The following DYM variants were observed in gnomAD, a reference collection of about 807,000 sequenced individuals.
DYM encodes dymeclin.
In DYM, 78 loss-of-function variants were observed where a neutral mutation model predicts 93.1. That is an observed-to-expected ratio of 0.84 (90% CI 0.70 to 1.01). The LOEUF (loss-of-function observed/expected upper bound fraction) is 1.01, where lower values mean the gene tolerates loss of function less well. Among genes scored for constraint, DYM ranks in the 50% least tolerant of loss-of-function variants. DYM has a pLI of 0.00. For synonymous variants in DYM, 321 were observed against 319.7 expected (o/e 1.00, Z -0.04); for missense variants, 789 against 845.0 (o/e 0.93, Z 0.82).
At chr18:49,422,401 A>AG (rs199619033) in intron 2 of DYM, among the ~76,000 whole-genome samples, 3,622 of 152,298 alleles carry the variant, frequency 0.024, 135 homozygotes, top group African/African-American at 0.081. Flanking sequence ...TATCCAGACA[A>AG]ACTAAGCTTC....
At chr18:49,071,762 T>A (rs537744124) in intron 17 of DYM, among the ~76,000 whole-genome samples, 1 of 152,288 alleles carries the variant, frequency 6.6e-6, no homozygotes, top group African/African-American at 2.4e-5. Flanking sequence ...CTTAATATCA[T>A]CAAGTGTATA....
At chr18:49,338,881 G>C (rs1599531758) in intron 6 of DYM, among the ~76,000 whole-genome samples, 1 of 151,934 alleles carries the variant, frequency 6.6e-6, no homozygotes, top group East Asian at 1.9e-4. Context: ...AAACCACAAA[G>C]GCAAAAATTA....
chr18:49,449,439 G>T (rs1050240455), intron 1 of DYM, among the ~76,000 whole-genome samples: 11 of 152,134 alleles, frequency 7.2e-5, no homozygotes, highest in African/African-American at 2.7e-4. Flanking sequence ...ACCCTAACTG[G>T]AATCCCCAGA....
chr18:49,199,740 C>T (rs1272475309), intron 14 of DYM, among the ~76,000 whole-genome samples: 2 of 152,150 alleles, frequency 1.3e-5, no homozygotes, highest in Non-Finnish European at 2.9e-5. Flanking sequence ...TATGACAAGA[C>T]CATTCCAGCA....
In DYM at chr18:49,389,300, A is replaced by ATG. The variant is rs368243116; in HGVS notation, c.193+2291_193+2292dup. 5.5e-3 allele frequency among the ~76,000 whole-genome samples: 832 copies of ATG among 151,916 alleles called. 7 individuals carry two copies. Among genetic ancestry groups the ATG allele is most frequent in the African/African-American group, 0.018 (765 of 41,472 alleles). On this transcript the variant is annotated intron_variant, in intron 3 of 17. Transcript: ENST00000675505. ...TGTCAAGTGAAAAACACAGATTAAA[A>ATG]TGTGTGTGTGTGTCTGTGTGTGTGT...
At chr18:49,259,515 T>C (rs908158993) in intron 11 of DYM, among the ~76,000 whole-genome samples, 1 of 152,180 alleles carries the variant, frequency 6.6e-6, no homozygotes, top group Non-Finnish European at 1.5e-5. Flanking sequence ...GCTATAGATT[T>C]GTGAGTCTTA....
At chr18:49,310,775 G>A (rs1377868861) in intron 8 of DYM, among the ~76,000 whole-genome samples, 1 of 152,016 alleles carries the variant, frequency 6.6e-6, no homozygotes, top group Non-Finnish European at 1.5e-5. Context: ...ATGCTTAAGA[G>A]GATTACAGTT....
intron 9 of DYM, among the ~76,000 whole-genome samples, chr18:49,284,432 T>A (rs1256609651): frequency 6.6e-6 from 1 of 152,154 alleles, no homozygotes; most frequent in African/African-American, 2.4e-5. Context: ...ACCATGACCA[T>A]CCCAAGCAAA....
At chr18:49,351,765 T>A (rs1348106126) in intron 6 of DYM, among the ~76,000 whole-genome samples, 1 of 152,062 alleles carries the variant, frequency 6.6e-6, no homozygotes, top group African/African-American at 2.4e-5. Context: ...GACAAATACA[T>A]ACAAATATAG....
At chr18:49,107,268 A>T (rs1157224739) in intron 16 of DYM, among the ~76,000 whole-genome samples, 1 of 152,128 alleles carries the variant, frequency 6.6e-6, no homozygotes, top group Non-Finnish European at 1.5e-5. Context: ...AGGTCCTTTA[A>T]GGACTTCTGT....
rs2092822138 is a variant in DYM at position 49,212,345 on chromosome 18, T to C, written c.1461-2630A>G. On this transcript the variant is annotated intron_variant, in intron 13 of 17. Transcript: ENST00000675505. ...CCTTATTTTTAAGAAATACACCATGTAGTACTTAGCAATGGGACATCATGT... is the reference window on the plus strand; with the variant it reads ...CCTTATTTTTAAGAAATACACCATGCAGTACTTAGCAATGGGACATCATGT... Among the ~76,000 whole-genome samples the C allele has an allele frequency of 2.0e-5, 3 of 152,334 alleles. No individual in the cohort carries two copies. In the South Asian group the frequency reaches 6.2e-4, roughly 32 times the overall value.
intron 9 of DYM, among the ~76,000 whole-genome samples, chr18:49,282,454 A>T (rs1447527170): frequency 1.3e-5 from 2 of 152,168 alleles, no homozygotes; most frequent in Non-Finnish European, 1.5e-5. Flanking sequence ...CTCTACTAAA[A>T]ATACAGAAAT....
chr18:49,440,387 A>T (rs141448237), intron 1 of DYM, among the ~76,000 whole-genome samples: 4 of 125,860 alleles, frequency 3.2e-5, no homozygotes, highest in African/African-American at 1.2e-4. Flanking sequence ...ATTATATATG[A>T]TATATAATAT....
chr18:49,286,398 C>T (rs200637612), intron 9 of DYM, 36 bp downstream of exon 9: 1 of 1,601,344 alleles, frequency 6.2e-7, no homozygotes, highest in Non-Finnish European at 8.6e-7. Context: ...ATACTCTCCC[C>T]ATTACAAAGA....
chr18:49,198,107 C>T (rs550208078), intron 14 of DYM, among the ~76,000 whole-genome samples: 9 of 152,170 alleles, frequency 5.9e-5, no homozygotes, highest in African/African-American at 2.2e-4. Context: ...CTTTGACAAA[C>T]CTGACAAAAA....
At chr18:49,104,910 G>A (rs2080622669) in intron 16 of DYM, among the ~76,000 whole-genome samples, 2 of 152,224 alleles carry the variant, frequency 1.3e-5, no homozygotes, top group Non-Finnish European at 2.9e-5. Flanking sequence ...GTATCAGGAT[G>A]ATGCTGGCCT....
At chr18:49,382,035 A>G (rs2068088042) in intron 3 of DYM, among the ~76,000 whole-genome samples, 1 of 152,234 alleles carries the variant, frequency 6.6e-6, no homozygotes, top group Admixed American at 6.5e-5. Flanking sequence ...CATGACTACA[A>G]TCACCACTCA....
Position 49,113,902 on chromosome 18 carries a change from C to T in DYM, c.1911+4842G>A, listed in dbSNP as rs529891645. Among the ~76,000 whole-genome samples, 570 of 152,266 alleles carry T rather than the reference C, an allele frequency of 3.7e-3. 5 individuals carry two copies. The highest frequency in any genetic ancestry group is 5.6e-3 in the South Asian group (27 of 4,818). On this transcript the variant is annotated intron_variant, in intron 16 of 17. Coordinates refer to ENST00000675505, the MANE Select transcript of DYM (RefSeq NM_001353214.3). ...ACAAAAAGTTGTTGGAAAACCTGCT[C>T]ATTTGGAATCTTAATTAGGTTTATC...
intron 10 of DYM, among the ~76,000 whole-genome samples, chr18:49,274,512 T>C (rs1037279011): frequency 7.2e-5 from 11 of 152,176 alleles, no homozygotes; most frequent in African/African-American, 2.7e-4. Context: ...ATATCTAGCC[T>C]TGGAATTGCT....
Sources: allele counts gnomAD v4.1 joint callset (sites outside exome capture counted in the v4.1 genomes callset), GRCh38; gene constraint gnomAD v4.1.1; transcripts MANE v1.5; gene names NCBI Gene and HGNC (gene_info 2026-07-23, HGNC 2026-07-21).